SERINC5: variants seen among roughly 807,000 people sequenced by gnomAD.
The protein encoded by SERINC5 is chromosome 5 open reading frame 12.
In SERINC5, 41 loss-of-function variants were observed where a neutral mutation model predicts 63.1. That is an observed-to-expected ratio of 0.65 (90% CI 0.51 to 0.84). SERINC5 has a LOEUF of 0.84. Among genes scored for constraint, SERINC5 ranks in the 40% least tolerant of loss-of-function variants. The probability of loss-of-function intolerance (pLI) is 0.00; values close to 1 mark genes in which losing one functional copy is unlikely to be tolerated. For synonymous variants in SERINC5, 222 were observed against 215.2 expected (o/e 1.03, Z -0.28); for missense variants, 523 against 573.0 (o/e 0.91, Z 0.89).
In SERINC5 at chr5:80,168,651, T is replaced by C. The variant is rs556152778; in HGVS notation, c.763+684A>G. Among the ~76,000 whole-genome samples the C allele has an allele frequency of 1.5e-4, 23 of 152,298 alleles. 1 individual carries two copies. The highest frequency in any genetic ancestry group is 2.6e-4 in the Non-Finnish European group (18 of 68,008). ...CACAAAAAAAATCAGACCAGGGACA[T>C]CTCACTGTAAGCCCAAAGACACTAT... On this transcript the variant is annotated intron_variant, in intron 6 of 11. Coordinates refer to ENST00000507668, the MANE Select transcript of SERINC5 (RefSeq NM_001174072.3).
intron 1 of SERINC5, among the ~76,000 whole-genome samples, chr5:80,206,872 C>T: frequency 7.2e-6 from 1 of 139,116 alleles, no homozygotes; most frequent in Non-Finnish European, 1.5e-5. Context: ...TGGCCTCAAA[C>T]TCCTGGGCTC....
chr5:80,120,477 G>A (rs1446928302), intron 11 of SERINC5, among the ~76,000 whole-genome samples: 5 of 152,130 alleles, frequency 3.3e-5, no homozygotes, highest in Admixed American at 6.5e-5. Context: ...TTCTGCAAAC[G>A]AGAAATAAGC....
At chr5:80,204,450 G>A (rs947018547) in intron 1 of SERINC5, among the ~76,000 whole-genome samples, 2 of 152,190 alleles carry the variant, frequency 1.3e-5, no homozygotes, top group Admixed American at 6.5e-5. Context: ...CAGGTCTTCT[G>A]TAGGTCGACC....
chr5:80,231,918 T>C (rs532187173), intron 1 of SERINC5, among the ~76,000 whole-genome samples: 13 of 150,112 alleles, frequency 8.7e-5, no homozygotes, highest in Middle Eastern at 3.7e-3. Context: ...CTGGGCAACA[T>C]AGTGAGATCC....
At position 80,141,725 on chromosome 5, in the gene SERINC5, G is replaced by A; in HGVS notation, c.*1938C>T. 2 of 985,458 alleles carry A rather than the reference G, an allele frequency of 2.0e-6. No homozygotes were observed. The highest frequency in any genetic ancestry group is 2.4e-6 in the Non-Finnish European group (2 of 829,978). 61.0% of individuals were successfully genotyped at this position (985,458 alleles called of 1,614,324 possible). ...CTCCTGTCCCCTAACTGATTCCTCA[G>A]GTTAGAACACGGCTTTTCATTTTGC... is the stretch of plus-strand genomic sequence containing the variant. On this transcript the variant is annotated 3_prime_UTR_variant, in exon 12 of 12. Transcript: ENST00000507668.
chr5:80,244,994 C>T (rs910134890), intron 1 of SERINC5, among the ~76,000 whole-genome samples: 1 of 152,310 alleles, frequency 6.6e-6, no homozygotes, highest in East Asian at 1.9e-4. Flanking sequence ...GATCTTCGAT[C>T]TTCCTCTCTC....
rs1174325559 is a variant in SERINC5 at position 80,229,050 on chromosome 5, T to TGGGG, written c.28-26001_28-25998dup. On this transcript the variant is annotated intron_variant, in intron 1 of 11. Transcript: ENST00000507668. ...TTTTTTTTTTTTTTTTTTTTTTTTT[T>TGGGG]GGGGATGGAGTTGCCTAGGCTGGAG... Among the ~76,000 whole-genome samples the TGGGG allele has an allele frequency of 4.2e-3, 396 of 94,164 alleles. 86 individuals are homozygous for TGGGG. The highest frequency in any genetic ancestry group is 0.015 in the African/African-American group (384 of 25,620). The allele number at this position is 94,164 out of a possible 152,430, so 61.8% of individuals were successfully genotyped here. A position where few individuals can be genotyped will look rare whatever the true frequency, so the allele number is the denominator to read the frequency against.
intron 1 of SERINC5, among the ~76,000 whole-genome samples, chr5:80,215,227 G>C (rs1436665213): frequency 6.6e-6 from 1 of 152,042 alleles, no homozygotes; most frequent in African/African-American, 2.4e-5. Context: ...CAGGGAGTGT[G>C]TTCTCATGAG....
rs931327906 is a variant in SERINC5, at chr5:80,143,828, C to T, written c.1239-18G>A. On this transcript the variant is annotated intron_variant, in intron 11 of 11. Transcript: ENST00000507668. Reference sequence around the variant, plus strand: ...TTTCGTAGCTGTGGAAACAAGACACCTAGCCGCGGTCAAAGCAGGAATATA... The same window carrying T: ...TTTCGTAGCTGTGGAAACAAGACACTTAGCCGCGGTCAAAGCAGGAATATA... 9.1e-6 allele frequency: 14 copies of T among 1,535,620 alleles called. No individual in the cohort carries two copies. In the African/African-American group the frequency reaches 1.2e-4, roughly 14 times the overall value.
At chr5:80,146,444 C>A (rs112217646) in intron 10 of SERINC5, among the ~76,000 whole-genome samples, 6,479 of 152,170 alleles carry the variant, frequency 0.043, 463 homozygotes, top group African/African-American at 0.15. Context: ...CCTAATGCCA[C>A]ATTTATTTTT....
intron 11 of SERINC5, among the ~76,000 whole-genome samples, chr5:80,145,546 C>T (rs1172665522): frequency 6.6e-6 from 1 of 151,832 alleles, no homozygotes; most frequent in Non-Finnish European, 1.5e-5. Context: ...GAAAAAGATA[C>T]ACAAAATTTG....
intron 1 of SERINC5, among the ~76,000 whole-genome samples, chr5:80,232,467 A>G (rs1277442768): frequency 6.6e-6 from 1 of 151,220 alleles, no homozygotes; most frequent in Non-Finnish European, 1.5e-5. Flanking sequence ...GGGTTTCAGT[A>G]AAGTGTGGTA....
At chr5:80,148,441 C>T (rs1337611742) in intron 9 of SERINC5, among the ~76,000 whole-genome samples, 2 of 151,924 alleles carry the variant, frequency 1.3e-5, no homozygotes, top group Admixed American at 6.6e-5. Context: ...CCACCCACCT[C>T]GGCCTCCCAA....
At chr5:80,206,835 G>A (rs1455678046) in intron 1 of SERINC5, among the ~76,000 whole-genome samples, 1 of 120,246 alleles carries the variant, frequency 8.3e-6, no homozygotes. Flanking sequence ...TTTTTTAAGA[G>A]ACAGAGTTTC....
At chr5:80,209,226 G>A (rs967969716) in intron 1 of SERINC5, among the ~76,000 whole-genome samples, 2 of 152,158 alleles carry the variant, frequency 1.3e-5, no homozygotes, top group African/African-American at 2.4e-5. Flanking sequence ...AGCCGAGATC[G>A]CGCCACTGCA....
chr5:80,200,262 G>A (rs1749745072), intron 2 of SERINC5, among the ~76,000 whole-genome samples: 1 of 151,706 alleles, frequency 6.6e-6, no homozygotes, highest in Admixed American at 6.6e-5. Flanking sequence ...CGGATCACGA[G>A]GTCAGGAGAT....
At chr5:80,206,094 G>C (rs912652596) in intron 1 of SERINC5, among the ~76,000 whole-genome samples, 4 of 151,652 alleles carry the variant, frequency 2.6e-5, no homozygotes, top group African/African-American at 9.7e-5. Flanking sequence ...AGGAGTCCCT[G>C]TTAAGCCAAC....
At position 80,138,878 on chromosome 5, in the gene SERINC5, G is replaced by A. The variant is rs1362498816; in HGVS notation, c.*4785C>T. ...AATTATATATGTATCTAGCAGAAGA[G>A]AAAAAAACAACACAGTTTTAATTTT... On this transcript the variant is annotated 3_prime_UTR_variant, in exon 12 of 12. Coordinates refer to ENST00000507668, the MANE Select transcript of SERINC5 (RefSeq NM_001174072.3). 3.1e-6 allele frequency: 3 copies of A among 974,034 alleles called. No individual in the cohort carries two copies. The African/African-American group carries it at 5.3e-5, about 17-fold the overall frequency. 60.3% of individuals were successfully genotyped at this position (974,034 alleles called of 1,614,324 possible).
At chr5:80,156,981 G>C (rs1174499170) in intron 8 of SERINC5, 2 of 145,004 alleles carry the variant, frequency 1.4e-5, no homozygotes, top group African/African-American at 2.7e-5. Context: ...TTATTTAAAG[G>C]GTTTTTTTTT....
Sources: gnomAD v4.1 joint callset for allele counts (sites outside exome capture counted in the v4.1 genomes callset) on GRCh38, gnomAD v4.1.1 for gene constraint, MANE v1.5 for transcripts, NCBI Gene and HGNC (gene_info 2026-07-23, HGNC 2026-07-21) for gene names.